HMCN2: variants seen among roughly 807,000 people sequenced by gnomAD.
HMCN2 encodes the protein hemicentin 2, also known as hemicentin-2.
HMCN2 carries 325 observed loss-of-function variants against 377.5 expected under a neutral mutation model. The ratio of observed to expected loss-of-function variants is 0.86; its 90% CI spans 0.79 to 0.94. The LOEUF (loss-of-function observed/expected upper bound fraction) is 0.94, where lower values mean the gene tolerates loss of function less well. Among genes scored for constraint, HMCN2 ranks in the 40% least tolerant of loss-of-function variants. The probability of loss-of-function intolerance (pLI) is 0.00; values close to 1 mark genes in which losing one functional copy is unlikely to be tolerated. For missense variants in HMCN2, 4,543 were observed against 4,725.3 expected (o/e 0.96, Z 1.13); for synonymous variants, 2,007 against 2,046.8 (o/e 0.98, Z 0.53).
intron 1 of HMCN2, among the ~76,000 whole-genome samples, chr9:130,274,391 C>A (rs1834565090): frequency 6.6e-6 from 1 of 152,118 alleles, no homozygotes; most frequent in African/African-American, 2.4e-5. Flanking sequence ...GCATTTCTTG[C>A]ATAAGTCCTG....
chr9:130,397,664 C>T lies in HMCN2; in HGVS notation c.11326+9C>T. On this transcript the variant is annotated intron_variant, in intron 74 of 97. Transcript: ENST00000683500. ...TGACCTACGGGTCTTGGGTAGGTGG[C>T]CTGGGGAAGGCCTTCAGTGTCCAGT... The T allele has an allele frequency of 7.8e-7, 1 of 1,289,544 alleles. No homozygotes were observed. Among genetic ancestry groups the T allele is most frequent in the Non-Finnish European group, 1.0e-6 (1 of 988,748 alleles). 79.9% of individuals were successfully genotyped at this position (1,289,544 alleles called of 1,614,324 possible).
At position 130,424,898 on chromosome 9, in the gene HMCN2, G is replaced by A. The variant is rs575121833; in HGVS notation, c.13504G>A (p.Val4502Met). 5.7e-5 allele frequency: 84 copies of A among 1,461,030 alleles called. No individual in the cohort carries two copies. The South Asian group carries it at 7.3e-4, about 13-fold the overall frequency. The allele number at this position is 1,461,030 out of a possible 1,614,324, so 90.5% of individuals were successfully genotyped here. Residue 4502 changes from valine (V) to methionine (M), a missense_variant, in exon 88 of 98, where the codon GTG (valine) becomes ATG (methionine). Transcript: ENST00000683500. ...GGGCAGGTTCCGGCAGGAGTCACAC[G>A]TGGAGTTTGCTACAGGTAAACAGGG... ...TGGRFRQESH[V>M]EFATGELLTM...
chr9:130,294,732 T>G (rs1836018306), intron 4 of HMCN2, 123 bp from the exon 5 acceptor site: 2 of 333,906 alleles, frequency 6.0e-6, no homozygotes, highest in South Asian at 4.5e-5. Flanking sequence ...GGGCCTGGTG[T>G]TGGACATGGA....
Position 130,395,191 on chromosome 9 carries a change from T to C in HMCN2, c.10775-20T>C. On this transcript the variant is annotated intron_variant, in intron 70 of 97. Transcript: ENST00000683500. Reference sequence around the variant, plus strand: ...GGGTGAGTCCCCCTCTCATATCCTCTTGTGCCACCCCCTTCCCAGCCCCTC... The same window carrying C: ...GGGTGAGTCCCCCTCTCATATCCTCCTGTGCCACCCCCTTCCCAGCCCCTC... 1.6e-6 allele frequency: 2 copies of C among 1,286,946 alleles called. No individual in the cohort carries two copies. Among genetic ancestry groups the C allele is most frequent in the Non-Finnish European group, 2.0e-6 (2 of 987,474 alleles). 79.7% of individuals were successfully genotyped at this position (1,286,946 alleles called of 1,614,324 possible).
At chr9:130,410,547 C>T in intron 84 of HMCN2, 24 bp from the exon 85 acceptor site, 1 of 1,547,866 alleles carries the variant, frequency 6.5e-7, no homozygotes, top group African/African-American at 1.4e-5. Context: ...AGCACCATGC[C>T]TCCTCTCCTG....
rs534385753 is a variant in HMCN2, at chr9:130,406,027, A to G, written c.12412A>G (p.Thr4138Ala). ...CCGGGCCCGCCGCCGCGTGCACCTC[A>G]CCATCCTGGTACTGCCTGTGTTCAC... ...VGRARRRVHL[T>A]ILVLPVFTTL... Residue 4138 changes from threonine to alanine, a missense_variant, in exon 82 of 98, where the codon ACC (threonine) becomes GCC (alanine). Transcript: ENST00000683500. 3 of 1,289,670 alleles carry G rather than the reference A, an allele frequency of 2.3e-6. No homozygotes were observed. The East Asian group carries it at 1.7e-4, about 72-fold the overall frequency. The allele number at this position is 1,289,670 out of a possible 1,614,324, so 79.9% of individuals were successfully genotyped here. A position where few individuals can be genotyped will look rare whatever the true frequency, so the allele number is the denominator to read the frequency against.
At chr9:130,294,700 G>A (rs1554931269) in intron 4 of HMCN2, among the ~76,000 whole-genome samples, 155 bp from the exon 5 acceptor site, 1 of 152,198 alleles carries the variant, frequency 6.6e-6, no homozygotes, top group African/African-American at 2.4e-5. Flanking sequence ...ATGGAAGCCA[G>A]GAGGGTCACA....
At chr9:130,291,066 T>C (rs1283148561) in intron 4 of HMCN2, among the ~76,000 whole-genome samples, 2 of 152,196 alleles carry the variant, frequency 1.3e-5, no homozygotes, top group African/African-American at 4.8e-5. Flanking sequence ...GACCTTTTTC[T>C]ACTTGGGGCT....
chr9:130,368,002 C>T lies in HMCN2; in HGVS notation c.6626-274C>T, dbSNP rs549331059. ...GAAATTGAGGCAGAGTCTGCCATTCCGGAGGGCTCAGGCCAGAGTAGGATT... is the reference window on the plus strand; with the variant it reads ...GAAATTGAGGCAGAGTCTGCCATTCTGGAGGGCTCAGGCCAGAGTAGGATT... On this transcript the variant is annotated intron_variant, in intron 43 of 97. Transcript: ENST00000683500. Among the ~76,000 whole-genome samples, 14 of 150,414 alleles carry T rather than the reference C, an allele frequency of 9.3e-5. No homozygotes were observed. In the East Asian group the frequency reaches 2.0e-3, roughly 21 times the overall value.
In HMCN2 at chr9:130,353,141, C is replaced by T; in HGVS notation, c.4800C>T (p.Val1600=). The T allele has an allele frequency of 1.5e-6, 2 of 1,304,206 alleles. No individual in the cohort carries two copies. The highest frequency in any genetic ancestry group is 1.2e-5 in the South Asian group (1 of 81,032). The allele number at this position is 1,304,206 out of a possible 1,614,324, so 80.8% of individuals were successfully genotyped here. A position where few individuals can be genotyped will look rare whatever the true frequency, so the allele number is the denominator to read the frequency against. Reference sequence around the variant, plus strand: ...GGGCCCAGAGCTCCGATGCCGGCGTCTACACCTGCAAGGCCAGCAATGCTG... The same window carrying T: ...GGGCCCAGAGCTCCGATGCCGGCGTTTACACCTGCAAGGCCAGCAATGCTG... ...LGRAQSSDAG[V]YTCKASNAVG... The change falls in exon 31 of 98, where the codon GTC becomes GTT. Residue 1600 remains valine (V), a synonymous_variant. Transcript: ENST00000683500.
chr9:130,313,600 A>ACCG (rs1554939699), intron 15 of HMCN2, among the ~76,000 whole-genome samples: 19 of 148,444 alleles, frequency 1.3e-4, no homozygotes, highest in Non-Finnish European at 2.5e-4. Flanking sequence ...GCATGTGGGC[A>ACCG]CCCCCCCCCA....
Position 130,351,986 on chromosome 9 carries a change from A to G in HMCN2, c.4585+409A>G, listed in dbSNP as rs546625169. On this transcript the variant is annotated intron_variant, in intron 30 of 97. Coordinates refer to ENST00000683500, the MANE Select transcript of HMCN2 (RefSeq NM_001291815.2). The surrounding 1 kb of genome is among the most constrained non-coding windows in gnomAD (Gnocchi z 5.4). ...ACCACCACACCCAGTTCATTTTTGT[A>G]TTTTTAGTAGAGGTGGGGTTTCACC... Among the ~76,000 whole-genome samples the G allele has an allele frequency of 4.5e-3, 683 of 151,886 alleles. 2 individuals are homozygous for G. Among genetic ancestry groups the G allele is most frequent in the Admixed American group, 6.6e-3 (100 of 15,260 alleles).
chr9:130,321,114 G>A (rs1382150953), intron 18 of HMCN2, among the ~76,000 whole-genome samples: 2 of 152,190 alleles, frequency 1.3e-5, no homozygotes, highest in African/African-American at 4.8e-5. Flanking sequence ...TGTCAGATGG[G>A]TCATGGCTGC....
rs563160456 is a variant in HMCN2 at position 130,417,062 on chromosome 9, C to G, written c.12962-1710C>G. On this transcript the variant is annotated intron_variant, in intron 85 of 97. Coordinates refer to ENST00000683500, the MANE Select transcript of HMCN2 (RefSeq NM_001291815.2). The stretch of plus-strand genomic sequence containing the variant: ...AAGTAGCTGGGATTACAGGCACAGA[C>G]CACCACACCTGGCTAATTTTTGTAT... Among the ~76,000 whole-genome samples, 5 of 151,682 alleles carry G rather than the reference C, an allele frequency of 3.3e-5. No homozygotes were observed. In the East Asian group the frequency reaches 9.7e-4, roughly 29 times the overall value.
chr9:130,374,489 G>A lies in HMCN2; in HGVS notation c.7439-13G>A, dbSNP rs1034453323. ...AGCCTGCCAAATTGTCTCATTCTCT[G>A]CTCTGCATACAGGCCACCCACAGCC... On this transcript the variant is annotated splice_polypyrimidine_tract_variant and intron_variant, in intron 48 of 97. Transcript: ENST00000683500. 8.5e-5 allele frequency: 84 copies of A among 985,698 alleles called. No individual in the cohort carries two copies. The highest frequency in any genetic ancestry group is 5.2e-4 in the Middle Eastern group (1 of 1,914). The allele number at this position is 985,698 out of a possible 1,614,324, so 61.1% of individuals were successfully genotyped here.
chr9:130,427,370 G>T lies in HMCN2; in HGVS notation c.13937G>T (p.Cys4646Phe). Residue 4646 changes from cysteine (C) to phenylalanine (F), a missense_variant, in exon 91 of 98, where the codon TGT (cysteine) becomes TTT (phenylalanine). This residue lies in a region of HMCN2 where 1,155 missense variants were observed against 1,157.7 expected (regional missense o/e 1.00). Coordinates refer to ENST00000683500, the MANE Select transcript of HMCN2 (RefSeq NM_001291815.2). ...GAGCTGGACTCCCAGGGAGCGTTTT[G>T]TGTGGGTGAGCGCCCCCAACCCTGG... is the stretch of plus-strand genomic sequence containing the variant. ...GFELDSQGAF[C>F]VDRDECSGGP... 1.3e-6 allele frequency: 2 copies of T among 1,550,544 alleles called. No individual in the cohort carries two copies. Among genetic ancestry groups the T allele is most frequent in the Admixed American group, 3.9e-5 (2 of 50,964 alleles).
At chr9:130,410,702 C>A in intron 85 of HMCN2, 50 bp downstream of exon 85, 1 of 1,503,538 alleles carries the variant, frequency 6.7e-7, no homozygotes, top group Non-Finnish European at 9.1e-7. Context: ...TGCTCGGGGA[C>A]AGCGGTGGCG....
At chr9:130,276,939 C>T (rs782245203) in intron 1 of HMCN2, among the ~76,000 whole-genome samples, 1 of 152,176 alleles carries the variant, frequency 6.6e-6, no homozygotes, top group African/African-American at 2.4e-5. Flanking sequence ...AATTCCAGCC[C>T]CACTTGGAGA....
At position 130,348,651 on chromosome 9, in the gene HMCN2, C is replaced by T. The variant is rs533362832; in HGVS notation, c.4131C>T (p.Ile1377=). ...CGAACGGCTTTCCAGTCCCTGAGAT[C>T]GTGTGGCTGAAGGACGCGCAGCTGG... ...CDANGFPVPE[I]VWLKDAQLIP... is the part of the protein sequence containing the mutation. The change falls in exon 27 of 98, where the codon ATC becomes ATT. Residue 1377 remains isoleucine, a synonymous_variant. Transcript: ENST00000683500. 257 of 1,292,746 alleles carry T rather than the reference C, an allele frequency of 2.0e-4. No homozygotes were observed. Among genetic ancestry groups the T allele is most frequent in the South Asian group, 1.2e-3 (96 of 80,016 alleles). The allele number at this position is 1,292,746 out of a possible 1,614,324, so 80.1% of individuals were successfully genotyped here. A position where few individuals can be genotyped will look rare whatever the true frequency, so the allele number is the denominator to read the frequency against.
Sources: gnomAD v4.1 joint callset for allele counts (sites outside exome capture counted in the v4.1 genomes callset) on GRCh38, gnomAD v4.1.1 for gene constraint, gnomAD v4.1.1 regional missense constraint, Gnocchi (gnomAD v3.1) non-coding constraint, MANE v1.5 for transcripts, NCBI Gene and HGNC (gene_info 2026-07-23, HGNC 2026-07-21) for gene names.